The following FAT3 variants were observed in gnomAD, a reference collection of about 807,000 sequenced individuals.
The protein encoded by FAT3 is FAT atypical cadherin 3, also known as protocadherin Fat 3.
A neutral mutation model predicts 310.2 loss-of-function variants in FAT3; 95 were observed. The ratio of observed to expected loss-of-function variants is 0.31; its 90% CI spans 0.26 to 0.36. The LOEUF (loss-of-function observed/expected upper bound fraction) is 0.36, where lower values mean the gene tolerates loss of function less well. Among genes scored for constraint, FAT3 ranks in the 10% least tolerant of loss-of-function variants. The pLI is 1.00. For missense variants in FAT3, 5,408 were observed against 5,715.6 expected, an observed-to-expected ratio of 0.95 and a Z score of 1.74; for synonymous variants, 2,314 against 2,192.9, an observed-to-expected ratio of 1.06 and a Z score of -1.54.
At chr11:92,245,642 G>A (rs1054319353) in intron 1 of FAT3, among the ~76,000 whole-genome samples, 2 of 152,068 alleles carry the variant, frequency 1.3e-5, no homozygotes, top group Non-Finnish European at 2.9e-5. Flanking sequence ...GCCTTTGTGG[G>A]CCACACTGTG....
Position 92,797,898 on chromosome 11 carries a change from C to A in FAT3, c.4885C>A (p.Pro1629Thr). ...VLGIITICKEPDMTTMGQFVL... is the reference protein window; with the variant it reads ...VLGIITICKETDMTTMGQFVL... ...AGGCATCATCACCATTTGCAAAGAA[C>A]CAGACATGACGACGATGGGTCAGTT... is the stretch of plus-strand genomic sequence containing the variant. Residue 1629 changes from proline to threonine, a missense_variant, in exon 10 of 28, where the codon CCA becomes ACA. Transcript: ENST00000525166. The A allele has an allele frequency of 6.2e-7, 1 of 1,613,882 alleles. No individual in the cohort carries two copies.
intron 2 of FAT3, among the ~76,000 whole-genome samples, chr11:92,358,986 G>A (rs1253479063): frequency 6.6e-6 from 1 of 152,160 alleles, no homozygotes; most frequent in East Asian, 1.9e-4. Context: ...GATTACCCAA[G>A]TGTTTGCATT....
chr11:92,288,204 A>C (rs1336188472), intron 1 of FAT3, among the ~76,000 whole-genome samples: 1 of 152,180 alleles, frequency 6.6e-6, no homozygotes, highest in Non-Finnish European at 1.5e-5. Flanking sequence ...CATTATGCAA[A>C]GTAAAATAAG....
At chr11:92,246,691 G>C (rs1210427519) in intron 1 of FAT3, among the ~76,000 whole-genome samples, 1 of 152,110 alleles carries the variant, frequency 6.6e-6, no homozygotes, top group Non-Finnish European at 1.5e-5. Context: ...GTGGCAGCAA[G>C]TATGCCAAAT....
At chr11:92,455,699 A>C (rs1415740363) in intron 2 of FAT3, among the ~76,000 whole-genome samples, 1 of 152,148 alleles carries the variant, frequency 6.6e-6, no homozygotes, top group Non-Finnish European at 1.5e-5. Context: ...ACTTGACCTG[A>C]ATCCTAGCTC....
intron 3 of FAT3, chr11:92,559,339 C>CTTTATATA (rs1188811798): frequency 5.1e-6 from 1 of 197,672 alleles, no homozygotes. Context: ...CCTACTTTCT[C>CTTTATATA]TTTATATATA....
rs748318004 is a variant in FAT3 at position 92,524,676 on chromosome 11, G to C, written c.3335G>C (p.Gly1112Ala). ...GACATTCTTGATCGGGAGACAATGG[G>C]GTCATACTGGCTAACAGTGTATGCC... is the stretch of plus-strand genomic sequence containing the variant. Reference protein sequence around the residue: ...AADILDRETMGSYWLTVYATD... With the variant: ...AADILDRETMASYWLTVYATD... Residue 1112 changes from glycine (G) to alanine (A), a missense_variant, in exon 3 of 28, where the codon GGG becomes GCG. Gly to Ala is a moderately conservative substitution (Grantham distance 60). Coordinates refer to ENST00000525166, the MANE Select transcript of FAT3 (RefSeq NM_001367949.2). 4 of 1,613,688 alleles carry C rather than the reference G, an allele frequency of 2.5e-6. No individual in the cohort carries two copies. Among genetic ancestry groups the C allele is most frequent in the South Asian group, 2.2e-5 (2 of 91,054 alleles).
rs138858821 is a variant in FAT3 at position 92,459,679 on chromosome 11, T to C, written c.3293-64955T>C. Among the ~76,000 whole-genome samples the C allele has an allele frequency of 9.3e-4, 141 of 152,214 alleles. 6 individuals are homozygous for C. The East Asian group carries it at 0.02, about 22-fold the overall frequency. ...CTTTTCAATTTTGGAGCAGATGGGG[T>C]CTCATTCACTTCCTGCTCATTGGAG... On this transcript the variant is annotated intron_variant, in intron 2 of 27. Coordinates refer to ENST00000525166, the MANE Select transcript of FAT3 (RefSeq NM_001367949.2).
chr11:92,711,670 T>C (rs755372300), intron 4 of FAT3, among the ~76,000 whole-genome samples: 3 of 152,212 alleles, frequency 2.0e-5, no homozygotes, highest in Non-Finnish European at 4.4e-5. Context: ...AATTATACAG[T>C]GTAAGAAATG....
chr11:92,430,825 A>G (rs1251360590), intron 2 of FAT3, among the ~76,000 whole-genome samples: 1 of 152,068 alleles, frequency 6.6e-6, no homozygotes, highest in African/African-American at 2.4e-5. Flanking sequence ...CCATGTCCCT[A>G]CAAGGGACAT....
At position 92,844,294 on chromosome 11, in the gene FAT3, G is replaced by C. The variant is rs757227386; in HGVS notation, c.10927G>C (p.Glu3643Gln). 9 of 1,613,884 alleles carry C rather than the reference G, an allele frequency of 5.6e-6. No individual in the cohort carries two copies. Among genetic ancestry groups the C allele is most frequent in the Non-Finnish European group, 6.8e-6 (8 of 1,179,914 alleles). Reference protein sequence around the residue: ...VVVHVEQLVHEMLQNTVTIRF... With the variant: ...VVVHVEQLVHQMLQNTVTIRF... ...CGTGCATGTGGAGCAGTTGGTGCATGAGATGCTGCAGAACACTGTCACCAT... is the reference window on the plus strand; with the variant it reads ...CGTGCATGTGGAGCAGTTGGTGCATCAGATGCTGCAGAACACTGTCACCAT... Residue 3643 changes from glutamate to glutamine, a missense_variant, in exon 19 of 28, where the codon GAG (glutamate) becomes CAG (glutamine). Glu to Gln is a conservative substitution (Grantham distance 29, BLOSUM62 2). This residue lies in a region of FAT3 where 4,588 missense variants were observed against 4,809.8 expected (regional missense o/e 0.95). Transcript: ENST00000525166.
chr11:92,683,293 C>G (rs1943541107), intron 3 of FAT3, among the ~76,000 whole-genome samples: 1 of 152,236 alleles, frequency 6.6e-6, no homozygotes, highest in Admixed American at 6.5e-5. Flanking sequence ...GATTGCATGC[C>G]CCTAAAGGAA....
chr11:92,649,358 T>C (rs1055634305), intron 3 of FAT3, among the ~76,000 whole-genome samples: 3 of 152,242 alleles, frequency 2.0e-5, no homozygotes, highest in African/African-American at 7.2e-5. Flanking sequence ...GAATTGCTTG[T>C]ACTTTATCTG....
intron 6 of FAT3, among the ~76,000 whole-genome samples, chr11:92,772,080 C>A (rs1007100981): frequency 6.6e-6 from 1 of 152,154 alleles, no homozygotes; most frequent in Non-Finnish European, 1.5e-5. Context: ...ACTTGACTCA[C>A]ACATTTTCAC....
At position 92,527,209 on chromosome 11, in the gene FAT3, A is replaced by G. The variant is rs185880379; in HGVS notation, c.3607+2261A>G. Among the ~76,000 whole-genome samples, 1,461 of 152,262 alleles carry G rather than the reference A, an allele frequency of 9.6e-3. 10 individuals carry two copies. Among genetic ancestry groups the G allele is most frequent in the Non-Finnish European group, 0.016 (1,110 of 68,014 alleles). On this transcript the variant is annotated intron_variant, in intron 3 of 27. Coordinates refer to ENST00000525166, the MANE Select transcript of FAT3 (RefSeq NM_001367949.2). Reference sequence around the variant, plus strand: ...CTAACTACGAAACACCATAGAACACAGTGGGGGAAACAGACTGTATTGCAC... The same window carrying G: ...CTAACTACGAAACACCATAGAACACGGTGGGGGAAACAGACTGTATTGCAC...
intron 2 of FAT3, among the ~76,000 whole-genome samples, chr11:92,387,275 G>A (rs1437338903): frequency 2.6e-5 from 4 of 152,156 alleles, no homozygotes; most frequent in African/African-American, 9.7e-5. Flanking sequence ...CATGGCTAGA[G>A]CTCTGAGCTG....
At chr11:92,463,293 A>G (rs566361753) in intron 2 of FAT3, among the ~76,000 whole-genome samples, 1 of 152,184 alleles carries the variant, frequency 6.6e-6, no homozygotes, top group Admixed American at 6.6e-5. Flanking sequence ...GATATTCTTT[A>G]GCAAATTATT....
chr11:92,467,204 A>G (rs949052518), intron 2 of FAT3, among the ~76,000 whole-genome samples: 2 of 152,112 alleles, frequency 1.3e-5, no homozygotes, highest in Non-Finnish European at 2.9e-5. Context: ...CCAACAGTGT[A>G]AAAGTGTTCC....
intron 21 of FAT3, among the ~76,000 whole-genome samples, chr11:92,865,576 A>C (rs2136343302): frequency 6.6e-6 from 1 of 152,348 alleles, no homozygotes; most frequent in Non-Finnish European, 1.5e-5. Flanking sequence ...CCAGAAAAGA[A>C]GCTTTTATTT....
Sources: gnomAD v4.1 joint callset for allele counts (sites outside exome capture counted in the v4.1 genomes callset) on GRCh38, gnomAD v4.1.1 for gene constraint, gnomAD v4.1.1 regional missense constraint, MANE v1.5 for transcripts, NCBI Gene and HGNC (gene_info 2026-07-23, HGNC 2026-07-21) for gene names.